The following SLC35E4 variants were observed in gnomAD, a reference collection of about 807,000 sequenced individuals.
SLC35E4 encodes the protein solute carrier family 35 member E4.
Under a neutral mutation model 19.3 loss-of-function variants are expected in SLC35E4, and 15 were observed. The observed-to-expected ratio is 0.78, with a 90% CI of 0.52 to 1.20. The LOEUF is 1.20. Ranked by LOEUF, SLC35E4 falls within the 50% of genes most tolerant of loss-of-function variation. The pLI is 0.00. For synonymous variants in SLC35E4, 219 were observed against 219.9 expected (o/e 1.00, Z 0.04); for missense variants, 406 against 472.3 (o/e 0.86, Z 1.30).
chr22:30,643,927 C>T (rs926379405), intron 1 of SLC35E4, among the ~76,000 whole-genome samples: 15 of 152,188 alleles, frequency 9.9e-5, no homozygotes, highest in Admixed American at 3.9e-4. Flanking sequence ...CCTCTGACAG[C>T]GAATGGCTGC....
downstream of SLC35E4, chr22:30,649,200 T>C (rs1255319402): frequency 1.4e-6 from 1 of 716,900 alleles, no homozygotes; most frequent in Non-Finnish European, 2.6e-6. Flanking sequence ...TGATGATCCC[T>C]ATGGAGAGGG....
intron 1 of SLC35E4, among the ~76,000 whole-genome samples, chr22:30,643,396 C>G (rs993016735): frequency 6.6e-6 from 1 of 152,140 alleles, no homozygotes; most frequent in Non-Finnish European, 1.5e-5. Context: ...GCTGAGAAGG[C>G]TATCTAGGGG....
At chr22:30,654,754 C>A (rs1602089760) in intron 2 of SLC35E4, 1 of 263,812 alleles carries the variant, frequency 3.8e-6, no homozygotes. Flanking sequence ...GCCACCATGG[C>A]CCTCAGGAAG....
chr22:30,638,672 C>T lies in SLC35E4; in HGVS notation c.619+1603C>T, dbSNP rs1401008316. Among the ~76,000 whole-genome samples the T allele has an allele frequency of 4.2e-5, 6 of 141,780 alleles. No individual in the cohort carries two copies. In the South Asian group the frequency reaches 9.0e-4, roughly 21 times the overall value. 93.0% of individuals were successfully genotyped at this position (141,780 alleles called of 152,430 possible). The stretch of plus-strand genomic sequence containing the variant: ...ACTGAAAATACAAAAATTAGCTGAG[C>T]GTGATGGTGGGCGCCTGTAATCCCA... On this transcript the variant is annotated intron_variant, in intron 1 of 1. Coordinates refer to ENST00000343605, the MANE Select transcript of SLC35E4 (RefSeq NM_001001479.4).
At chr22:30,664,769 TGAA>T (rs1252207527), downstream of SLC35E4, among the ~76,000 whole-genome samples, 4 of 152,224 alleles carry the variant, frequency 2.6e-5, no homozygotes, top group African/African-American at 7.2e-5. Context: ...ACCTTGCCTC[TGAA>T]GAAGGCCTGG....
chr22:30,663,799 C>A, downstream of SLC35E4: 4 of 1,614,200 alleles, frequency 2.5e-6, no homozygotes, highest in South Asian at 1.1e-5. Context: ...GCCACAGGTA[C>A]CTGCATGTAC....
downstream of SLC35E4, among the ~76,000 whole-genome samples, chr22:30,649,993 C>A (rs1162183429): frequency 1.3e-5 from 2 of 149,450 alleles, no homozygotes; most frequent in East Asian, 1.9e-4. Context: ...ATGCCTATCA[C>A]CCCTCCCAGC....
Position 30,636,135 on chromosome 22 carries a change from G to C in SLC35E4, c.-316G>C, listed in dbSNP as rs1296229693. 1.6e-5 allele frequency: 6 copies of C among 374,668 alleles called. No homozygotes were observed. The highest frequency in any genetic ancestry group is 1.2e-4 in the African/African-American group (6 of 48,340). The allele number at this position is 374,668 out of a possible 1,614,324, so 23.2% of individuals were successfully genotyped here. A position where few individuals can be genotyped will look rare whatever the true frequency, so the allele number is the denominator to read the frequency against. ...CGAGGATTTCATCTAAAAGCATAAC[G>C]TGGGCACTAGGCGAGGAGGAAAGTG... On this transcript the variant is annotated 5_prime_UTR_variant, in exon 1 of 2. Coordinates refer to ENST00000343605, the MANE Select transcript of SLC35E4 (RefSeq NM_001001479.4).
At chr22:30,660,314 T>C (rs2088431799) in intron 2 of SLC35E4, among the ~76,000 whole-genome samples, 1 of 151,676 alleles carries the variant, frequency 6.6e-6, no homozygotes, top group African/African-American at 2.4e-5. Flanking sequence ...GAAAAAAATT[T>C]TTTTTTTGAA....
At chr22:30,641,795 A>G (rs934033639) in intron 1 of SLC35E4, among the ~76,000 whole-genome samples, 1 of 145,244 alleles carries the variant, frequency 6.9e-6, no homozygotes. Context: ...CCCTGGCCTC[A>G]AGTGATCTTC....
chr22:30,656,509 C>G (rs1392210591), intron 2 of SLC35E4, among the ~76,000 whole-genome samples: 1 of 152,178 alleles, frequency 6.6e-6, no homozygotes, highest in Non-Finnish European at 1.5e-5. Context: ...TGATTCCTCA[C>G]TTTTGGAGTG....
chr22:30,637,130 GC>G (rs1484756577), intron 1 of SLC35E4, 61 bp downstream of exon 1: 26 of 1,511,822 alleles, frequency 1.7e-5, no homozygotes, highest in Non-Finnish European at 2.2e-5. Context: ...GGCCTGGATG[GC>G]CCTGTGAGGG....
Position 30,643,651 on chromosome 22 carries a change from T to C in SLC35E4, c.620-2947T>C, listed in dbSNP as rs1385448624. Reference sequence around the variant, plus strand: ...ATCACACAGGGCATCAGGCCCTGTGTTCAGCACCTCACATGTGAGGGGGCT... The same window carrying C: ...ATCACACAGGGCATCAGGCCCTGTGCTCAGCACCTCACATGTGAGGGGGCT... On this transcript the variant is annotated intron_variant, in intron 1 of 1. Coordinates refer to ENST00000343605, the MANE Select transcript of SLC35E4 (RefSeq NM_001001479.4). 2.6e-5 allele frequency among the ~76,000 whole-genome samples: 4 copies of C among 152,128 alleles called. No individual in the cohort carries two copies. The East Asian group carries it at 7.8e-4, about 30-fold the overall frequency.
At chr22:30,664,097 G>C, downstream of SLC35E4, 28 of 1,169,744 alleles carry the variant, frequency 2.4e-5, no homozygotes, top group Non-Finnish European at 3.0e-5. Context: ...AGAGGGAGAG[G>C]ATGTTTAGAG....
At chr22:30,664,641 A>C (rs1434702140), downstream of SLC35E4, among the ~76,000 whole-genome samples, 1 of 152,228 alleles carries the variant, frequency 6.6e-6, no homozygotes, top group Non-Finnish European at 1.5e-5. Flanking sequence ...AGGCTGGTAT[A>C]AGAGTAGGGA....
At chr22:30,661,187 C>T (rs566685268) in intron 2 of SLC35E4, among the ~76,000 whole-genome samples, 1 of 152,044 alleles carries the variant, frequency 6.6e-6, no homozygotes, top group Non-Finnish European at 1.5e-5. Context: ...GAAAAAAAAT[C>T]TACAATAGCC....
rs35362381 is a variant in SLC35E4, at chr22:30,647,403, T to TAA, written c.*385_*386dup. On this transcript the variant is annotated 3_prime_UTR_variant, in exon 2 of 2. Transcript: ENST00000343605. Reference sequence around the variant, plus strand: ...AGACAGAGCGAGACGCTGTCTCAATTAAAAAAAAAAAAAAGTGGAGAACTG... The same window carrying TAA: ...AGACAGAGCGAGACGCTGTCTCAATTAAAAAAAAAAAAAAAAGTGGAGAACTG... 26 of 151,142 alleles carry TAA rather than the reference T, an allele frequency of 1.7e-4. No homozygotes were observed. Among genetic ancestry groups the TAA allele is most frequent in the South Asian group, 4.1e-4 (2 of 4,842 alleles). 9.4% of individuals were successfully genotyped at this position (151,142 alleles called of 1,614,324 possible).
chr22:30,651,386 T>TGA, downstream of SLC35E4, among the ~76,000 whole-genome samples: 1 of 34,826 alleles, frequency 2.9e-5, no homozygotes, highest in Non-Finnish European at 5.1e-5. Flanking sequence ...TGTGTGTGTG[T>TGA]GTGTGTGTGT....
intron 1 of SLC35E4, among the ~76,000 whole-genome samples, chr22:30,640,862 G>T (rs1447160690): frequency 6.6e-6 from 1 of 152,172 alleles, no homozygotes; most frequent in Non-Finnish European, 1.5e-5. Flanking sequence ...AGAAGGAAGT[G>T]GGCACACCAA....
Sources: gnomAD v4.1 joint callset for allele counts (sites outside exome capture counted in the v4.1 genomes callset) on GRCh38, gnomAD v4.1.1 for gene constraint, MANE v1.5 for transcripts, NCBI Gene and HGNC (gene_info 2026-07-23, HGNC 2026-07-21) for gene names.